Variants in MIPOL1 observed in about 807,000 individuals in gnomAD.
MIPOL1 encodes mirror-image polydactyly gene 1 protein.
Under a neutral mutation model 60.9 loss-of-function variants are expected in MIPOL1, and 57 were observed. The observed-to-expected ratio is 0.94, with a 90% confidence interval of 0.76 to 1.17. The LOEUF (loss-of-function observed/expected upper bound fraction) is 1.17. MIPOL1 is among the 50% of genes most tolerant of loss of function. The pLI, the probability that MIPOL1 is intolerant of heterozygous loss-of-function variation, is 0.00. For synonymous variants in MIPOL1, 179 were observed against 168.8 expected (o/e 1.06, Z -0.47); for missense variants, 551 against 511.6 (o/e 1.08, Z -0.74).
At chr14:37,413,058 T>G (rs1486818016) in intron 10 of MIPOL1, among the ~76,000 whole-genome samples, 1 of 151,616 alleles carries the variant, frequency 6.6e-6, no homozygotes, top group Non-Finnish European at 1.5e-5. Flanking sequence ...TAAAAGAGAG[T>G]TCAATGCCAC....
At chr14:37,362,311 G>A (rs1164411430) in intron 9 of MIPOL1, among the ~76,000 whole-genome samples, 4 of 152,076 alleles carry the variant, frequency 2.6e-5, no homozygotes, top group African/African-American at 9.7e-5. Context: ...CCTGGTGGTG[G>A]CAAAATCTCT....
At chr14:37,385,109 A>G (rs1595521271) in intron 10 of MIPOL1, among the ~76,000 whole-genome samples, 1 of 152,124 alleles carries the variant, frequency 6.6e-6, no homozygotes, top group Admixed American at 6.6e-5. Context: ...GATAGAAGAA[A>G]TAATCTAAAT....
At chr14:37,404,353 A>T (rs969822403) in intron 10 of MIPOL1, among the ~76,000 whole-genome samples, 2 of 152,216 alleles carry the variant, frequency 1.3e-5, no homozygotes, top group African/African-American at 4.8e-5. Context: ...ACCAAGAGGA[A>T]ATATATTGCT....
At chr14:37,225,552 C>G (rs763882288) in intron 1 of MIPOL1, among the ~76,000 whole-genome samples, 2 of 152,158 alleles carry the variant, frequency 1.3e-5, no homozygotes, top group Non-Finnish European at 2.9e-5. Context: ...ATGGCTGGAG[C>G]AACTGGGACA....
chr14:37,516,538 A>G (rs1042683922), intron 12 of MIPOL1, among the ~76,000 whole-genome samples: 1 of 152,202 alleles, frequency 6.6e-6, no homozygotes, highest in Non-Finnish European at 1.5e-5. Context: ...AATTTAGTTC[A>G]AATGTTTTAT....
chr14:37,324,168 T>A (rs1324746775), intron 9 of MIPOL1, among the ~76,000 whole-genome samples: 1 of 152,038 alleles, frequency 6.6e-6, no homozygotes, highest in East Asian at 1.9e-4. Context: ...TGTATTATTT[T>A]ACATTCTCAG....
chr14:37,238,474 T>C (rs1297012607), intron 1 of MIPOL1, among the ~76,000 whole-genome samples: 1 of 152,220 alleles, frequency 6.6e-6, no homozygotes, highest in Non-Finnish European at 1.5e-5. Context: ...ATAGTTTTAA[T>C]AGTTATGACA....
intron 12 of MIPOL1, chr14:37,523,441 CA>C (rs1361240677): frequency 2.6e-6 from 1 of 381,088 alleles, no homozygotes; most frequent in Non-Finnish European, 4.7e-6. Flanking sequence ...ATAGCTAAGC[CA>C]AATATAAATA....
intron 11 of MIPOL1, among the ~76,000 whole-genome samples, chr14:37,444,008 T>G (rs1329800896): frequency 1.3e-5 from 2 of 152,130 alleles, no homozygotes; most frequent in African/African-American, 2.4e-5. Context: ...ACAGCTATTA[T>G]ATTTAATGAC....
At chr14:37,304,076 C>G (rs1198384111) in intron 7 of MIPOL1, among the ~76,000 whole-genome samples, 1 of 151,694 alleles carries the variant, frequency 6.6e-6, no homozygotes, top group Non-Finnish European at 1.5e-5. Flanking sequence ...ATAACAGGAC[C>G]AATGCATAAC....
intron 10 of MIPOL1, among the ~76,000 whole-genome samples, chr14:37,388,486 G>GTTTTTTTTTT (rs77450180): frequency 8.0e-6 from 1 of 124,592 alleles, no homozygotes; most frequent in Non-Finnish European, 1.7e-5. Flanking sequence ...TTTTTTTTGT[G>GTTTTTTTTTT]TTTTTTTTTT....
At chr14:37,348,663 T>G (rs984512103) in intron 9 of MIPOL1, among the ~76,000 whole-genome samples, 1 of 151,636 alleles carries the variant, frequency 6.6e-6, no homozygotes, top group African/African-American at 2.4e-5. Flanking sequence ...AAGAGAAGGA[T>G]GACTACCACT....
intron 11 of MIPOL1, among the ~76,000 whole-genome samples, chr14:37,458,002 A>G (rs1045836386): frequency 6.6e-6 from 1 of 152,184 alleles, no homozygotes; most frequent in South Asian, 2.1e-4. Flanking sequence ...TATACCATAC[A>G]GATGGAAAAC....
At chr14:37,279,684 A>G (rs8019384) in intron 6 of MIPOL1, among the ~76,000 whole-genome samples, 150,299 of 152,094 alleles carry the variant, frequency 0.99, 74,286 homozygotes, top group Middle Eastern at 1. Flanking sequence ...ATGATTTGCA[A>G]ATTTATGAAG....
chr14:37,244,890 TCTC>T (rs1337978384), intron 1 of MIPOL1, among the ~76,000 whole-genome samples: 1 of 152,128 alleles, frequency 6.6e-6, no homozygotes, highest in African/African-American at 2.4e-5. Flanking sequence ...ACAGAAATCT[TCTC>T]CTATTATATG....
chr14:37,308,181 G>A, intron 8 of MIPOL1, 92 bp downstream of exon 8: 2 of 1,309,542 alleles, frequency 1.5e-6, no homozygotes, highest in Middle Eastern at 1.9e-4. Flanking sequence ...TAAGATGTGG[G>A]AAAAAGAAGA....
intron 11 of MIPOL1, among the ~76,000 whole-genome samples, chr14:37,485,580 C>A (rs548238874): frequency 6.6e-6 from 1 of 152,118 alleles, no homozygotes; most frequent in Non-Finnish European, 1.5e-5. Context: ...TATCTAATGA[C>A]CAGTGATGAT....
At chr14:37,442,696 A>G (rs932537758) in intron 11 of MIPOL1, among the ~76,000 whole-genome samples, 3 of 151,766 alleles carry the variant, frequency 2.0e-5, no homozygotes, top group African/African-American at 7.2e-5. Flanking sequence ...ATTGTTACTG[A>G]AGGTACCATA....
At chr14:37,299,881 C>T (rs1310781621) in intron 7 of MIPOL1, among the ~76,000 whole-genome samples, 1 of 151,990 alleles carries the variant, frequency 6.6e-6, no homozygotes, top group East Asian at 1.9e-4. Context: ...CTGTCCTGGG[C>T]TGTGACATTT....
Sources: allele counts gnomAD v4.1 joint callset (sites outside exome capture counted in the v4.1 genomes callset), GRCh38; gene constraint gnomAD v4.1.1; transcripts MANE v1.5; gene names NCBI Gene and HGNC (gene_info 2026-07-23, HGNC 2026-07-21).